USP8: variants seen among roughly 807,000 people sequenced by gnomAD.
The protein encoded by USP8 is ubiquitin carboxyl-terminal hydrolase 8.
USP8 carries 27 observed loss-of-function variants against 130.0 expected under a neutral mutation model. That is an observed-to-expected ratio of 0.21 (90% CI 0.15 to 0.29). The LOEUF (loss-of-function observed/expected upper bound fraction) is 0.29. USP8 is among the 10% of genes least tolerant of loss of function. USP8 has a pLI of 1.00. For missense variants in USP8, 1,029 were observed against 1,312.2 expected, an observed-to-expected ratio of 0.78 and a Z score of 3.33; for synonymous variants, 392 against 444.1, an observed-to-expected ratio of 0.88 and a Z score of 1.48.
chr15:50,441,376 T>C lies in USP8; in HGVS notation c.132T>C (p.Phe44=). The C allele has an allele frequency of 6.2e-7, 1 of 1,603,320 alleles. No individual in the cohort carries two copies. The highest frequency in any genetic ancestry group is 1.8e-5 in the Admixed American group (1 of 56,872). ...KSYVHSALKI[F]KTAEECRLDR... is the part of the protein sequence containing the mutation. ...ATGTGCACAGTGCCCTGAAGATCTT[T>C]AAGACAGCAGAAGAATGCAGATTAG... is the stretch of plus-strand genomic sequence containing the variant. The change falls in exon 3 of 20, where the codon TTT becomes TTC. Residue 44 remains phenylalanine (F), a synonymous_variant. Coordinates refer to ENST00000307179, the MANE Select transcript of USP8 (RefSeq NM_005154.5).
chr15:50,471,521 T>G, intron 7 of USP8, 112 bp from the exon 8 acceptor site: 1 of 1,163,652 alleles, frequency 8.6e-7, no homozygotes. Context: ...GGAATCTACT[T>G]AAAATTTGCT....
chr15:50,471,576 A>T, intron 7 of USP8, 57 bp from the exon 8 acceptor site: 1 of 1,563,620 alleles, frequency 6.4e-7, no homozygotes, highest in Non-Finnish European at 8.7e-7. Context: ...GTCTTCTGTT[A>T]GTATATTAGG....
chr15:50,462,901 C>T (rs1445806408), intron 6 of USP8, among the ~76,000 whole-genome samples: 1 of 152,008 alleles, frequency 6.6e-6, no homozygotes, highest in African/African-American at 2.4e-5. Flanking sequence ...CTCCCCCCAT[C>T]CATCCTGTGG....
intron 1 of USP8, among the ~76,000 whole-genome samples, chr15:50,434,104 TTTTTG>T (rs139482198): frequency 4.6e-4 from 69 of 148,830 alleles, no homozygotes; most frequent in South Asian, 1.1e-3. Flanking sequence ...AGCATAAGGT[TTTTTG>T]TTTTGTTTTG....
At chr15:50,432,523 A>G (rs1359857740) in intron 1 of USP8, 1 of 152,208 alleles carries the variant, frequency 6.6e-6, no homozygotes, top group African/African-American at 2.4e-5. Context: ...ATTGATCTAC[A>G]TTCTGTCACA....
At chr15:50,434,173 G>A (rs961145178) in intron 1 of USP8, among the ~76,000 whole-genome samples, 5 of 151,286 alleles carry the variant, frequency 3.3e-5, no homozygotes, top group Admixed American at 6.6e-5. Flanking sequence ...CCCAGACTCC[G>A]CTCACTGCAA....
At chr15:50,489,319 T>C (rs892351408) in intron 12 of USP8, among the ~76,000 whole-genome samples, 1 of 152,200 alleles carries the variant, frequency 6.6e-6, no homozygotes, top group Non-Finnish European at 1.5e-5. Context: ...TAGGATACTA[T>C]AACGTCTATT....
chr15:50,482,930 G>A (rs955598658), intron 11 of USP8, among the ~76,000 whole-genome samples: 32 of 152,062 alleles, frequency 2.1e-4, no homozygotes, highest in African/African-American at 7.0e-4. Context: ...CTTATCCAGG[G>A]AACACTTATC....
intron 4 of USP8, among the ~76,000 whole-genome samples, chr15:50,456,758 C>T (rs1316074469): frequency 1.3e-5 from 2 of 151,786 alleles, no homozygotes; most frequent in Non-Finnish European, 2.9e-5. Flanking sequence ...CAATGGCATG[C>T]GCCTGTAATC....
At chr15:50,437,290 C>G (rs1280957380) in intron 1 of USP8, among the ~76,000 whole-genome samples, 1 of 152,160 alleles carries the variant, frequency 6.6e-6, no homozygotes, top group Non-Finnish European at 1.5e-5. Context: ...ATATGTATCT[C>G]CCTGATTACA....
At chr15:50,476,015 TAAG>T (rs1382343796) in intron 8 of USP8, among the ~76,000 whole-genome samples, 1 of 152,152 alleles carries the variant, frequency 6.6e-6, no homozygotes, top group African/African-American at 2.4e-5. Flanking sequence ...GAGTTTTCCT[TAAG>T]GAGGTGACTA....
chr15:50,436,876 A>G (rs149414255), intron 1 of USP8, among the ~76,000 whole-genome samples: 3 of 151,722 alleles, frequency 2.0e-5, no homozygotes, highest in African/African-American at 7.3e-5. Context: ...CACCATGTTG[A>G]CCAGGCTGGA....
chr15:50,481,608 T>A lies in USP8; in HGVS notation c.1346T>A (p.Val449Glu). ...KVIPDRSTKP[V>E]VFSPTLMLTD... ...ATTCCTGATCGTTCCACCAAGCCAG[T>A]AGTTTTTTCTCCAACTCTCATGTTA... The change falls in exon 11 of 20, where the codon GTA becomes GAA. Residue 449 changes from valine (V) to glutamate (E), a missense_variant. Val to Glu is a moderately radical substitution (Grantham distance 121). This residue lies in a region of USP8 where 486 missense variants were observed against 522.0 expected (regional missense o/e 0.93). Transcript: ENST00000307179. 1.2e-6 allele frequency: 2 copies of A among 1,614,100 alleles called. No individual in the cohort carries two copies. The highest frequency in any genetic ancestry group is 1.7e-6 in the Non-Finnish European group (2 of 1,180,008).
chr15:50,490,176 T>C (rs542705440), intron 13 of USP8, 87 bp from the exon 14 acceptor site: 1 of 1,348,276 alleles, frequency 7.4e-7, no homozygotes, highest in Admixed American at 2.3e-5. Flanking sequence ...AAAGTAAATT[T>C]AGCAGAATAC....
At chr15:50,481,066 G>C (rs965493998) in intron 10 of USP8, among the ~76,000 whole-genome samples, 1 of 151,230 alleles carries the variant, frequency 6.6e-6, no homozygotes, top group Non-Finnish European at 1.5e-5. Context: ...TTGTCGGGGT[G>C]GGGGGAATCG....
chr15:50,487,121 C>G (rs2051990477), intron 12 of USP8, among the ~76,000 whole-genome samples: 1 of 150,872 alleles, frequency 6.6e-6, no homozygotes, highest in Non-Finnish European at 1.5e-5. Context: ...AAGACTCCAT[C>G]TGGGGAAAAA....
In USP8 at chr15:50,504,891, A is replaced by AG. The variant is rs1174606282; in HGVS notation, c.*5804dup. 1 of 152,188 alleles carries AG rather than the reference A, an allele frequency of 6.6e-6. No homozygotes were observed. The highest frequency in any genetic ancestry group is 1.9e-4 in the East Asian group (1 of 5,162). The allele number at this position is 152,188 out of a possible 1,614,324, so 9.4% of individuals were successfully genotyped here. A position where few individuals can be genotyped will look rare whatever the true frequency, so the allele number is the denominator to read the frequency against. Reference sequence around the variant, plus strand: ...CAGCTACTTGAGAGGCTGAAGCAGGAGAATCGCTTGAACCCGGGAGGTGGA... The same window carrying AG: ...CAGCTACTTGAGAGGCTGAAGCAGGAGGAATCGCTTGAACCCGGGAGGTGGA... On this transcript the variant is annotated 3_prime_UTR_variant, in exon 20 of 20. Coordinates refer to ENST00000307179, the MANE Select transcript of USP8 (RefSeq NM_005154.5).
intron 1 of USP8, among the ~76,000 whole-genome samples, chr15:50,428,435 A>C (rs1249022587): frequency 6.6e-6 from 1 of 152,168 alleles, no homozygotes; most frequent in Admixed American, 6.5e-5. Context: ...AGTTTTTAAT[A>C]ATGCAGCAGT....
At chr15:50,488,785 C>T (rs956700576) in intron 12 of USP8, among the ~76,000 whole-genome samples, 5 of 151,460 alleles carry the variant, frequency 3.3e-5, no homozygotes, top group African/African-American at 1.2e-4. Context: ...GTTGCCCAGG[C>T]TGGTCTCGAA....
Sources: allele counts gnomAD v4.1 joint callset (sites outside exome capture counted in the v4.1 genomes callset), GRCh38; gene constraint gnomAD v4.1.1; regional missense constraint gnomAD v4.1.1; transcripts MANE v1.5; gene names NCBI Gene and HGNC (gene_info 2026-07-23, HGNC 2026-07-21).